The following CREBBP variants were observed in gnomAD, a reference collection of about 807,000 sequenced individuals.
CREBBP encodes CREB binding lysine acetyltransferase, also known as CREB-binding protein.
Under a neutral mutation model 265.0 loss-of-function variants are expected in CREBBP, and 19 were observed. The observed-to-expected ratio is 0.07, with a 90% CI of 0.05 to 0.11. CREBBP has a LOEUF of 0.11. CREBBP is among the 10% of genes least tolerant of loss of function. The pLI is 1.00. For missense variants in CREBBP, 2,525 were observed against 3,219.0 expected, an observed-to-expected ratio of 0.78 and a Z score of 5.22; for synonymous variants, 1,457 against 1,223.7, an observed-to-expected ratio of 1.19 and a Z score of -3.98.
At chr16:3,755,023 C>T (rs2052556702) in intron 19 of CREBBP, among the ~76,000 whole-genome samples, 3 of 152,162 alleles carry the variant, frequency 2.0e-5, no homozygotes, top group Admixed American at 2.0e-4. Context: ...TGCCTGTGAT[C>T]GTCTGAGGAA....
chr16:3,813,582 G>A lies in CREBBP; in HGVS notation c.799-2803C>T, dbSNP rs541666800. Among the ~76,000 whole-genome samples the A allele has an allele frequency of 1.1e-4, 16 of 152,098 alleles. No individual in the cohort carries two copies. In the South Asian group the frequency reaches 2.9e-3, roughly 28 times the overall value. On this transcript the variant is annotated intron_variant, in intron 2 of 30. Coordinates refer to ENST00000262367, the MANE Select transcript of CREBBP (RefSeq NM_004380.3). ...GCCTAGAATTTGAATACAACAACAC[G>A]AACAACAACAAAAAATATAGTTTTT...
At chr16:3,753,638 G>A (rs1392740526) in intron 19 of CREBBP, among the ~76,000 whole-genome samples, 1 of 151,868 alleles carries the variant, frequency 6.6e-6, no homozygotes, top group Admixed American at 6.6e-5. Flanking sequence ...GTATGAAGAA[G>A]AACTTCCGTG....
chr16:3,750,936 A>AT (rs1367267629), intron 20 of CREBBP, among the ~76,000 whole-genome samples: 1 of 152,228 alleles, frequency 6.6e-6, no homozygotes, highest in African/African-American at 2.4e-5. Context: ...TTTCTCAGGT[A>AT]TAACTGAAAA....
intron 13 of CREBBP, among the ~76,000 whole-genome samples, chr16:3,771,680 A>C (rs1427976659): frequency 6.6e-6 from 1 of 152,066 alleles, no homozygotes; most frequent in Non-Finnish European, 1.5e-5. Context: ...TCAGTGACTA[A>C]GAGGTGGGTA....
At chr16:3,780,310 T>C (rs1384183442) in intron 8 of CREBBP, among the ~76,000 whole-genome samples, 2 of 150,556 alleles carry the variant, frequency 1.3e-5, no homozygotes, top group Non-Finnish European at 1.5e-5. Context: ...AAGGTGATAA[T>C]GACATGCCAT....
chr16:3,859,317 C>T (rs2055025861), intron 1 of CREBBP, among the ~76,000 whole-genome samples: 1 of 152,118 alleles, frequency 6.6e-6, no homozygotes, highest in Admixed American at 6.5e-5. Flanking sequence ...CTCAGCCTCC[C>T]AAGTAGCTGG....
chr16:3,823,399 T>A (rs1440820857), intron 2 of CREBBP, among the ~76,000 whole-genome samples: 2 of 152,178 alleles, frequency 1.3e-5, no homozygotes, highest in African/African-American at 4.8e-5. Context: ...GAAATCAAAT[T>A]TGCCCTGGTC....
intron 2 of CREBBP, among the ~76,000 whole-genome samples, chr16:3,825,445 T>A (rs1041610669): frequency 6.6e-6 from 1 of 152,250 alleles, no homozygotes; most frequent in African/African-American, 2.4e-5. Flanking sequence ...TATGGAAGTA[T>A]GGCCTTGGAA....
rs2051780543 is a variant in CREBBP at position 3,727,652 on chromosome 16, G to C, written c.*66C>G. On this transcript the variant is annotated 3_prime_UTR_variant, in exon 31 of 31. Coordinates refer to ENST00000262367, the MANE Select transcript of CREBBP (RefSeq NM_004380.3). Reference sequence around the variant, plus strand: ...TCCATCTAGGAATAAAAAGAACCTAGATGCCTGGATTTTCAGTACAAAAGG... The same window carrying C: ...TCCATCTAGGAATAAAAAGAACCTACATGCCTGGATTTTCAGTACAAAAGG... 6 of 1,613,238 alleles carry C rather than the reference G, an allele frequency of 3.7e-6. No individual in the cohort carries two copies. The South Asian group carries it at 5.5e-5, about 15-fold the overall frequency.
chr16:3,752,604 A>G (rs1166093415), intron 19 of CREBBP, among the ~76,000 whole-genome samples: 1 of 152,202 alleles, frequency 6.6e-6, no homozygotes, highest in Non-Finnish European at 1.5e-5. Context: ...AGAGTAAGAA[A>G]TGTGATATAT....
intron 2 of CREBBP, among the ~76,000 whole-genome samples, chr16:3,841,597 C>T (rs994412451): frequency 9.9e-5 from 15 of 152,008 alleles, no homozygotes; most frequent in African/African-American, 3.4e-4. Context: ...GCCATGATAA[C>T]GCCACTGTAC....
rs2052322859 is a variant in CREBBP at position 3,745,555 on chromosome 16, T to C, written c.3837-201A>G. 5 of 615,356 alleles carry C rather than the reference T, an allele frequency of 8.1e-6. No homozygotes were observed. The Admixed American group carries it at 9.7e-5, about 12-fold the overall frequency. The allele number at this position is 615,356 out of a possible 1,614,324, so 38.1% of individuals were successfully genotyped here. ...TCTACAGGAAAAAGCTTTCTTCTTT[T>C]GTTTGTACAAGCGCTTCATTCCTCT... On this transcript the variant is annotated intron_variant, in intron 21 of 30. Transcript: ENST00000262367.
rs1275745051 is a variant in CREBBP at position 3,810,672 on chromosome 16, G to T, written c.906C>A (p.Ser302Arg). The T allele has an allele frequency of 6.2e-7, 1 of 1,613,806 alleles. No individual in the cohort carries two copies. Among genetic ancestry groups the T allele is most frequent in the Admixed American group, 1.7e-5 (1 of 59,978 alleles). The change falls in exon 3 of 31, where the codon AGC (serine) becomes AGA (arginine). Residue 302 changes from serine (S) to arginine (R), a missense_variant. By Grantham distance (110) the Ser-to-Arg change is moderately radical (BLOSUM62 -1). Coordinates refer to ENST00000262367, the MANE Select transcript of CREBBP (RefSeq NM_004380.3). ...GGAAGGTGGGCAAACTGTTGACCAT[G>T]CTCTGTTTGCTGGCTAACTGGGGGT... The part of the protein sequence containing the change: ...GVNPQLASKQ[S>R]MVNSLPTFPT...
intron 3 of CREBBP, among the ~76,000 whole-genome samples, chr16:3,800,659 G>A (rs959556457): frequency 4.6e-5 from 7 of 152,054 alleles, no homozygotes; most frequent in Non-Finnish European, 8.8e-5. Flanking sequence ...AGTCTCCCAC[G>A]ACTGTGCTTG....
chr16:3,740,493 G>A lies in CREBBP; in HGVS notation c.4039C>T (p.Arg1347Trp), dbSNP rs867855180. The change falls in exon 24 of 31, where the codon CGG becomes TGG. Residue 1347 changes from arginine to tryptophan, a missense_variant. Around this residue, in one of 19 missense-constraint regions of CREBBP, gnomAD observed 252 missense variants for 452.5 expected, o/e 0.56. Coordinates refer to ENST00000262367, the MANE Select transcript of CREBBP (RefSeq NM_004380.3). ...HLEDRVNKFL[R>W]RQNHPEAGEV... is the part of the protein sequence containing the mutation. ...CCGGCTTCAGGGTGATTCTGGCGCC[G>A]CAAAAATTTGTTCACTCGGTCTTCC... 2 of 1,614,042 alleles carry A rather than the reference G, an allele frequency of 1.2e-6. No homozygotes were observed. The highest frequency in any genetic ancestry group is 1.7e-6 in the Non-Finnish European group (2 of 1,180,040).
intron 5 of CREBBP, among the ~76,000 whole-genome samples, chr16:3,789,804 AG>A (rs1386833338): frequency 1.3e-5 from 2 of 152,210 alleles, no homozygotes; most frequent in Non-Finnish European, 2.9e-5. Context: ...TCTGACTAGT[AG>A]AAAACCTGTG....
chr16:3,818,539 G>T (rs2054083284), intron 2 of CREBBP, among the ~76,000 whole-genome samples: 1 of 152,090 alleles, frequency 6.6e-6, no homozygotes, highest in South Asian at 2.1e-4. Context: ...GGCCAGGCTG[G>T]TCTCAAACTC....
chr16:3,865,484 A>G (rs1364785779), intron 1 of CREBBP, among the ~76,000 whole-genome samples: 1 of 152,184 alleles, frequency 6.6e-6, no homozygotes, highest in Non-Finnish European at 1.5e-5. Context: ...AAGAGTCAAC[A>G]GCGTCTGCCT....
chr16:3,772,885 C>CA (rs941437340), intron 13 of CREBBP, among the ~76,000 whole-genome samples: 5 of 115,752 alleles, frequency 4.3e-5, no homozygotes, highest in Non-Finnish European at 8.4e-5. Context: ...GCCTGGCCAA[C>CA]ATGGTGAAAT....
Sources: allele counts gnomAD v4.1 joint callset (sites outside exome capture counted in the v4.1 genomes callset), GRCh38; gene constraint gnomAD v4.1.1; regional missense constraint gnomAD v4.1.1; transcripts MANE v1.5; gene names NCBI Gene and HGNC (gene_info 2026-07-23, HGNC 2026-07-21).